Variants in BAG6 observed in about 807,000 individuals in gnomAD.
The protein encoded by BAG6 is large proline-rich protein BAG6.
In BAG6, 22 loss-of-function variants were observed where a neutral mutation model predicts 121.0. The observed-to-expected ratio is 0.18, with a 90% confidence interval of 0.13 to 0.26. The LOEUF is 0.26. BAG6 is among the 10% of genes least tolerant of loss of function. The pLI is 1.00. For missense variants in BAG6, 1,233 were observed against 1,537.7 expected (o/e 0.80, Z 3.31); for synonymous variants, 583 against 584.6 (o/e 1.00, Z 0.04).
In BAG6 at chr6:31,641,809, C is replaced by G; in HGVS notation, c.2472G>C (p.Leu824=). 1 of 1,613,092 alleles carries G rather than the reference C, an allele frequency of 6.2e-7. No homozygotes were observed. Among genetic ancestry groups the G allele is most frequent in the Non-Finnish European group, 8.5e-7 (1 of 1,180,010 alleles). The change falls in exon 17 of 26, where the codon CTG becomes CTC. Residue 824 remains leucine (L), a synonymous_variant. Transcript: ENST00000676615. The surrounding 1 kb of genome is among the most constrained non-coding windows in gnomAD (Gnocchi z 5.7). The part of the protein sequence containing the change: ...QLRSFFHQHY[L]GGQEPTPSNI... Reference sequence around the variant, plus strand: ...TACTGGGTGTGGGCTCCTGACCACCCAGGTAGTGCTGGTGGAAGAAGGATC... The same window carrying G: ...TACTGGGTGTGGGCTCCTGACCACCGAGGTAGTGCTGGTGGAAGAAGGATC...
intron 14 of BAG6, 144 bp downstream of exon 14, chr6:31,643,746 A>AAAAAAAAAAAC (rs1785512420): frequency 1.8e-6 from 1 of 570,982 alleles, no homozygotes; most frequent in African/African-American, 2.0e-5. Context: ...AAAAAAAAAA[A>AAAAAAAAAAAC]GCTGAAACCT....
At position 31,643,082 on chromosome 6, in the gene BAG6, G is replaced by C. The variant is rs777030827; in HGVS notation, c.1790C>G (p.Ala597Gly). ...AGCACTGGCAGAAGCAGTGGCAGGG[G>C]CTGGCGGTGGAGCCATACCTGGGGT... ...QGTPGMAPPP[A>G]PATASASAGT... Residue 597 changes from alanine (A) to glycine (G), a missense_variant, in exon 15 of 26, where the codon GCC becomes GGC. This residue lies in a region of BAG6 where 777 missense variants were observed against 861.4 expected (regional missense o/e 0.90). Transcript: ENST00000676615. The C allele has an allele frequency of 5.1e-5, 80 of 1,583,650 alleles. No individual in the cohort carries two copies. The highest frequency in any genetic ancestry group is 6.8e-5 in the Non-Finnish European group (80 of 1,168,984).
chr6:31,652,320 A>AGC (rs1797920391), intron 1 of BAG6, 104 bp downstream of exon 1: 1 of 121,718 alleles, frequency 8.2e-6, no homozygotes, highest in Admixed American at 8.1e-5. Flanking sequence ...CCCACAGCCA[A>AGC]ACACACACAC....
chr6:31,645,837 T>C (rs917277544), intron 8 of BAG6, among the ~76,000 whole-genome samples: 1 of 152,244 alleles, frequency 6.6e-6, no homozygotes, highest in Non-Finnish European at 1.5e-5. Context: ...ACTGATCTCC[T>C]GTACTTTACA....
Position 31,639,229 on chromosome 6 carries a change from A to G in BAG6, c.3394-3T>C, listed in dbSNP as rs369358978. 4 of 1,612,124 alleles carry G rather than the reference A, an allele frequency of 2.5e-6. No homozygotes were observed. The highest frequency in any genetic ancestry group is 2.7e-5 in the African/African-American group (2 of 74,824). ...CGTTTTTGTATATCAGACCGGAGCT[A>G]AAGAGAAAAAGTAAGCAGGTTGGAG... is the stretch of plus-strand genomic sequence containing the variant. On this transcript the variant is annotated splice_polypyrimidine_tract_variant and splice_region_variant and intron_variant, in intron 25 of 25. Coordinates refer to ENST00000676615, the MANE Select transcript of BAG6 (RefSeq NM_001387994.1).
rs1787083478 is a variant in BAG6 at position 31,644,747 on chromosome 6, C to T, written c.1370-145G>A. The T allele has an allele frequency of 2.4e-6, 3 of 1,227,246 alleles. No homozygotes were observed. The highest frequency in any genetic ancestry group is 3.5e-6 in the Non-Finnish European group (3 of 846,484). 76.0% of individuals were successfully genotyped at this position (1,227,246 alleles called of 1,614,324 possible). A position where few individuals can be genotyped will look rare whatever the true frequency, so the allele number is the denominator to read the frequency against. On this transcript the variant is annotated intron_variant, in intron 10 of 25. Coordinates refer to ENST00000676615, the MANE Select transcript of BAG6 (RefSeq NM_001387994.1). This position sits in a 1 kb window ranked among gnomAD's most constrained non-coding sequence, Gnocchi z 4.9. ...CTCCATCTAAACAGGGAGAGGTACT[C>T]CCTTCACCACACAAACACACCTCCA... is the stretch of plus-strand genomic sequence containing the variant.
In BAG6 at chr6:31,649,343, G is replaced by A. The variant is rs781061113; in HGVS notation, c.279C>T (p.His93=). The A allele has an allele frequency of 1.6e-5, 25 of 1,612,816 alleles. No homozygotes were observed. Among genetic ancestry groups the A allele is most frequent in the Non-Finnish European group, 1.8e-5 (21 of 1,179,538 alleles). ...TCCCAGAAGATGCCCCAGAAGGGAGGTGAGTCTGAGGAGGAGCCCGTTCCA... is the reference window on the plus strand; with the variant it reads ...TCCCAGAAGATGCCCCAGAAGGGAGATGAGTCTGAGGAGGAGCCCGTTCCA... ...HLVERAPPQT[H]LPSGASSGTG... Residue 93 remains histidine, a synonymous_variant, in exon 4 of 26, where the codon CAC becomes CAT. Coordinates refer to ENST00000676615, the MANE Select transcript of BAG6 (RefSeq NM_001387994.1).
chr6:31,650,427 C>T (rs1447522996), intron 2 of BAG6, among the ~76,000 whole-genome samples: 1 of 151,922 alleles, frequency 6.6e-6, no homozygotes, highest in African/African-American at 2.4e-5. Flanking sequence ...TTTGGGAGGC[C>T]GAGGCAGGTG....
chr6:31,643,776 G>C (rs2150789916), intron 14 of BAG6, 114 bp downstream of exon 14: 15 of 597,660 alleles, frequency 2.5e-5, no homozygotes, highest in East Asian at 3.8e-5. Flanking sequence ...AGACACTACA[G>C]CAGCCCCATT....
intron 6 of BAG6, 71 bp from the exon 7 acceptor site, chr6:31,647,897 C>A (rs1791623638): frequency 1.4e-6 from 2 of 1,454,940 alleles, no homozygotes; most frequent in African/African-American, 1.5e-5. Flanking sequence ...CTACAGGAGA[C>A]TGAACAGAGA....
chr6:31,646,375 G>T lies in BAG6; in HGVS notation c.918+19C>A. ...GTACTGGGGCTGAGGAGAAAGGGCAGGGCCATCAAAGGGCTCACATTGTTA... is the reference window on the plus strand; with the variant it reads ...GTACTGGGGCTGAGGAGAAAGGGCATGGCCATCAAAGGGCTCACATTGTTA... On this transcript the variant is annotated intron_variant, in intron 8 of 25. Transcript: ENST00000676615. The T allele has an allele frequency of 1.2e-6, 2 of 1,610,690 alleles. No individual in the cohort carries two copies. Among genetic ancestry groups the T allele is most frequent in the South Asian group, 2.2e-5 (2 of 90,860 alleles).
At position 31,640,498 on chromosome 6, in the gene BAG6, T is replaced by C; in HGVS notation, c.3025A>G (p.Thr1009Ala). 1.2e-6 allele frequency: 2 copies of C among 1,613,022 alleles called. No homozygotes were observed. Among genetic ancestry groups the C allele is most frequent in the Non-Finnish European group, 1.7e-6 (2 of 1,179,996 alleles). The stretch of plus-strand genomic sequence containing the variant: ...CCTCGGGACATGGCCTCTTCTGCTG[T>C]TGTTCCAGGGGCTGGGGAAGCATTC... ...RENASPAPGT[T>A]AEEAMSRGPP... Residue 1009 changes from threonine to alanine, a missense_variant, in exon 23 of 26, where the codon ACA (threonine) becomes GCA (alanine). This residue lies in a region of BAG6 where 288 missense variants were observed against 483.1 expected (regional missense o/e 0.60). Coordinates refer to ENST00000676615, the MANE Select transcript of BAG6 (RefSeq NM_001387994.1). This position sits in a 1 kb window ranked among gnomAD's most constrained non-coding sequence, Gnocchi z 4.2.
At position 31,645,155 on chromosome 6, in the gene BAG6, C is replaced by T. The variant is rs1787673304; in HGVS notation, c.1160G>A (p.Arg387Gln). 1 of 1,612,620 alleles carries T rather than the reference C, an allele frequency of 6.2e-7. No individual in the cohort carries two copies. The highest frequency in any genetic ancestry group is 8.5e-7 in the Non-Finnish European group (1 of 1,179,836). ...CTCTGCATTGGGAGTTGGGGGGGGC[C>T]GAGTCCCATTTCCTGTCATGGTCAC... Reference protein sequence around the residue: ...TTVTMTGNGTRPPPTPNAEAP... With the variant: ...TTVTMTGNGTQPPPTPNAEAP... Residue 387 changes from arginine to glutamine, a missense_variant, in exon 10 of 26, where the codon CGG (arginine) becomes CAG (glutamine). Coordinates refer to ENST00000676615, the MANE Select transcript of BAG6 (RefSeq NM_001387994.1).
intron 8 of BAG6, among the ~76,000 whole-genome samples, chr6:31,645,932 G>A (rs1444882110): frequency 6.6e-6 from 1 of 152,222 alleles, no homozygotes. Context: ...TGTAAGGGAG[G>A]ACAAAATCAC....
Position 31,641,254 on chromosome 6 carries a change from T to C in BAG6, c.2663-26A>G. 3 of 1,614,116 alleles carry C rather than the reference T, an allele frequency of 1.9e-6. No individual in the cohort carries two copies. The highest frequency in any genetic ancestry group is 1.1e-5 in the South Asian group (1 of 91,088). Reference sequence around the variant, plus strand: ...CTGTGGGCAAAATACAAGGAGGGAATGCTGGCACGTGGCAGCCCTGCACAT... The same window carrying C: ...CTGTGGGCAAAATACAAGGAGGGAACGCTGGCACGTGGCAGCCCTGCACAT... On this transcript the variant is annotated intron_variant, in intron 19 of 25. Coordinates refer to ENST00000676615, the MANE Select transcript of BAG6 (RefSeq NM_001387994.1). This position sits in a 1 kb window ranked among gnomAD's most constrained non-coding sequence, Gnocchi z 5.7.
At position 31,639,619 on chromosome 6, in the gene BAG6, G is replaced by A; in HGVS notation, c.3274C>T (p.Leu1092Phe). 1.2e-6 allele frequency: 2 copies of A among 1,613,202 alleles called. No individual in the cohort carries two copies. ...GCCCGGCTCACAGCCTCTGAGAGAAGCAGCTGGGGGCCCTCACCCTGCATC... is the reference window on the plus strand; with the variant it reads ...GCCCGGCTCACAGCCTCTGAGAGAAACAGCTGGGGGCCCTCACCCTGCATC... ...KTMQGEGPQL[L>F]LSEAVSRAAK... The change falls in exon 25 of 26, where the codon CTT (leucine) becomes TTT (phenylalanine). Residue 1092 changes from leucine (L) to phenylalanine (F), a missense_variant. Transcript: ENST00000676615.
Position 31,646,406 on chromosome 6 carries a change from G to A in BAG6, c.906C>T (p.Asp302=), listed in dbSNP as rs780973083. 1.9e-6 allele frequency: 3 copies of A among 1,612,956 alleles called. No homozygotes were observed. Among genetic ancestry groups the A allele is most frequent in the Non-Finnish European group, 2.5e-6 (3 of 1,179,984 alleles). Residue 302 remains aspartate, a synonymous_variant, in exon 8 of 26, where the codon GAC becomes GAT. Coordinates refer to ENST00000676615, the MANE Select transcript of BAG6 (RefSeq NM_001387994.1). Reference sequence around the variant, plus strand: ...TCAAAGGGCTCACATTGTTATTGTAGTCCGTGGTGGCAGCAGCACCCAGAA... The same window carrying A: ...TCAAAGGGCTCACATTGTTATTGTAATCCGTGGTGGCAGCAGCACCCAGAA... The part of the protein sequence containing the change: ...YEVLGAAATT[D]YNNNHEGREE...
chr6:31,646,040 C>T (rs1463454834), intron 8 of BAG6, among the ~76,000 whole-genome samples: 2 of 152,166 alleles, frequency 1.3e-5, no homozygotes, highest in African/African-American at 4.8e-5. Flanking sequence ...GGCTAGAGTG[C>T]AGTAGTGCAA....
intron 8 of BAG6, 111 bp from the exon 9 acceptor site, chr6:31,645,715 G>T (rs1208324207): frequency 3.0e-6 from 4 of 1,333,728 alleles, no homozygotes; most frequent in Non-Finnish European, 4.2e-6. Flanking sequence ...AAAACTTTCA[G>T]TTATATCCTT....
Sources: gnomAD v4.1 joint callset for allele counts (sites outside exome capture counted in the v4.1 genomes callset) on GRCh38, gnomAD v4.1.1 for gene constraint, gnomAD v4.1.1 regional missense constraint, Gnocchi (gnomAD v3.1) non-coding constraint, MANE v1.5 for transcripts, NCBI Gene and HGNC (gene_info 2026-07-23, HGNC 2026-07-21) for gene names.